SVIL: variants seen among roughly 807,000 people sequenced by gnomAD.
The protein encoded by SVIL is archvillin.
A neutral mutation model predicts 240.4 loss-of-function variants in SVIL; 101 were observed. The ratio of observed to expected loss-of-function variants is 0.42; its 90% CI spans 0.36 to 0.50. The LOEUF (loss-of-function observed/expected upper bound fraction) is 0.50. Ranked by LOEUF, SVIL falls within the 20% of genes least tolerant of loss-of-function variation. SVIL has a pLI of 0.01. For synonymous variants in SVIL, 999 were observed against 1,100.0 expected, an observed-to-expected ratio of 0.91 and a Z score of 1.82; for missense variants, 2,512 against 2,818.7, an observed-to-expected ratio of 0.89 and a Z score of 2.46.
intron 1 of SVIL, among the ~76,000 whole-genome samples, chr10:29,730,533 A>T (rs989656141): frequency 5.9e-5 from 9 of 152,332 alleles, no homozygotes; most frequent in African/African-American, 2.2e-4. Context: ...TGAGCATCTC[A>T]AGTGAAAACG....
rs1264990764 is a variant in SVIL at position 29,462,294 on chromosome 10, C to G, written c.6385G>C (p.Ala2129Pro). 1 of 1,614,110 alleles carries G rather than the reference C, an allele frequency of 6.2e-7. No individual in the cohort carries two copies. Among genetic ancestry groups the G allele is most frequent in the Admixed American group, 1.7e-5 (1 of 60,020 alleles). ...GTGCTCACCATCTCTGTGATCTCAG[C>G]GATGTCCTCTCTGTGCTCCCAGCTG... ...FPSWEHREDI[A>P]EITEMDTEVS... Residue 2129 changes from alanine to proline, a missense_variant, in exon 36 of 38, where the codon GCT (alanine) becomes CCT (proline). Coordinates refer to ENST00000355867, the MANE Select transcript of SVIL (RefSeq NM_021738.3).
Position 29,523,785 on chromosome 10 carries a change from C to G in SVIL, c.2829G>C (p.Met943Ile). Residue 943 changes from methionine (M) to isoleucine (I), a missense_variant, in exon 15 of 38, where the codon ATG becomes ATC. Met to Ile is a conservative substitution (Grantham distance 10). Transcript: ENST00000355867. ...TTTCTGTCTCTCCATATTCTCTCAA[C>G]ATTCCCTTGTTCTCGCTACCCTCTA... ...PLVEGSENKGMLREYGETESK... is the reference protein window; with the variant it reads ...PLVEGSENKGILREYGETESK... 1 of 1,614,238 alleles carries G rather than the reference C, an allele frequency of 6.2e-7. No individual in the cohort carries two copies. Among genetic ancestry groups the G allele is most frequent in the South Asian group, 1.1e-5 (1 of 91,088 alleles).
intron 1 of SVIL, among the ~76,000 whole-genome samples, chr10:29,694,390 A>G (rs534108593): frequency 2.0e-5 from 3 of 152,074 alleles, no homozygotes; most frequent in Non-Finnish European, 2.9e-5. Context: ...GACAGAGTAC[A>G]ACCTGTCTCT....
rs1440495352 is a variant in SVIL at position 29,457,418 on chromosome 10, T to C, written c.*829A>G. The C allele has an allele frequency of 2.4e-5, 2 of 82,192 alleles. No homozygotes were observed. The highest frequency in any genetic ancestry group is 9.0e-5 in the African/African-American group (2 of 22,100). The allele number at this position is 82,192 out of a possible 1,614,324, so 5.1% of individuals were successfully genotyped here. A position where few individuals can be genotyped will look rare whatever the true frequency, so the allele number is the denominator to read the frequency against. On this transcript the variant is annotated 3_prime_UTR_variant, in exon 38 of 38. Coordinates refer to ENST00000355867, the MANE Select transcript of SVIL (RefSeq NM_021738.3). Reference sequence around the variant, plus strand: ...CTATATCACAAAATGACATGTGTACTGTTTACAACCGGTATTAGAAATTGA... The same window carrying C: ...CTATATCACAAAATGACATGTGTACCGTTTACAACCGGTATTAGAAATTGA...
At chr10:29,614,418 CCATCAATGATAGA>C (rs1957359698) in intron 1 of SVIL, among the ~76,000 whole-genome samples, 1 of 152,108 alleles carries the variant, frequency 6.6e-6, no homozygotes, top group Non-Finnish European at 1.5e-5. Flanking sequence ...ACCCAAATGC[CCATCAATGATAGA>C]CTGGATAAAG....
chr10:29,602,159 A>G (rs1200995899), intron 1 of SVIL: 1 of 432,326 alleles, frequency 2.3e-6, no homozygotes, highest in East Asian at 6.7e-5. Context: ...AAACACCTAC[A>G]AAAGAAATGC....
intron 2 of SVIL, among the ~76,000 whole-genome samples, chr10:29,670,259 C>T (rs1467523188): frequency 2.6e-5 from 4 of 152,188 alleles, no homozygotes; most frequent in Admixed American, 2.0e-4. Flanking sequence ...ACCAACTAGG[C>T]CACTGACTAT....
intron 2 of SVIL, among the ~76,000 whole-genome samples, chr10:29,661,680 A>G (rs1959165315): frequency 6.6e-6 from 1 of 152,208 alleles, no homozygotes; most frequent in Admixed American, 6.5e-5. Context: ...TCTGGAAGAG[A>G]GATATGCCAG....
chr10:29,703,805 T>A (rs969212939), intron 1 of SVIL, among the ~76,000 whole-genome samples: 5 of 152,294 alleles, frequency 3.3e-5, no homozygotes, highest in African/African-American at 1.2e-4. Context: ...GGGCTCTTGT[T>A]TTTTTGGGGG....
Position 29,707,305 on chromosome 10 carries a change from C to CCA in SVIL, c.-399-20655_-399-20654insTG, listed in dbSNP as rs1332180187. On this transcript the variant is annotated intron_variant, in intron 1 of 35. Transcript: ENST00000375400. ...GTTTTTCCATTTGTTTGTGTACTCT[C>CCA]TTATTTCCTTGAGCAGTGGTTTGTA... 2.6e-5 allele frequency among the ~76,000 whole-genome samples: 4 copies of CCA among 152,022 alleles called. No homozygotes were observed. The East Asian group carries it at 7.7e-4, about 29-fold the overall frequency.
intron 17 of SVIL, among the ~76,000 whole-genome samples, chr10:29,506,348 C>T (rs1454189197): frequency 6.7e-6 from 1 of 149,604 alleles, no homozygotes; most frequent in Admixed American, 6.6e-5. Flanking sequence ...TGGGCTCTTA[C>T]AACCAGCATT....
Position 29,499,927 on chromosome 10 carries a change from T to G in SVIL, c.3517-664A>C, listed in dbSNP as rs967353694. Among the ~76,000 whole-genome samples the G allele has an allele frequency of 4.8e-3, 724 of 152,168 alleles. 6 individuals are homozygous for G. The highest frequency in any genetic ancestry group is 0.017 in the African/African-American group (692 of 41,488). On this transcript the variant is annotated intron_variant, in intron 17 of 37. Transcript: ENST00000355867. ...CCTACATGCACGGTAACATTTCTAC[T>G]GAAAATGCTCTCAGCAGTTTCTAAT...
rs1171465397 is a variant in SVIL at position 29,471,241 on chromosome 10, G to A, written c.5532C>T (p.Val1844=). 3 of 1,609,318 alleles carry A rather than the reference G, an allele frequency of 1.9e-6. No homozygotes were observed. The South Asian group carries it at 3.3e-5, about 18-fold the overall frequency. The change falls in exon 31 of 38, where the codon GTC becomes GTT. Residue 1844 remains valine, a splice_region_variant and synonymous_variant. Coordinates refer to ENST00000355867, the MANE Select transcript of SVIL (RefSeq NM_021738.3). ...GGGGCTCCTTTCCCTGGAGAACCTGGACCTTCCGATTTAAACAGAGGTAAA... is the reference window on the plus strand; with the variant it reads ...GGGGCTCCTTTCCCTGGAGAACCTGAACCTTCCGATTTAAACAGAGGTAAA... ...VELDEERGAQ[V]QVLQGKEPPC...
At chr10:29,707,993 C>T (rs1025486316) in intron 1 of SVIL, among the ~76,000 whole-genome samples, 1 of 152,120 alleles carries the variant, frequency 6.6e-6, no homozygotes, top group Non-Finnish European at 1.5e-5. Context: ...CGCGGTGGCT[C>T]ACGCCTGTAA....
intron 1 of SVIL, among the ~76,000 whole-genome samples, chr10:29,712,348 T>G (rs1380421507): frequency 6.6e-6 from 1 of 152,210 alleles, no homozygotes; most frequent in African/African-American, 2.4e-5. Context: ...TGAGTGAATT[T>G]TTGCTCTATT....
At chr10:29,691,700 TA>T (rs1464281636) in intron 1 of SVIL, among the ~76,000 whole-genome samples, 4 of 152,198 alleles carry the variant, frequency 2.6e-5, no homozygotes, top group African/African-American at 2.4e-5. Context: ...GGCTCAGGAT[TA>T]AGACATGACT....
chr10:29,619,851 T>A (rs926105611), intron 1 of SVIL, among the ~76,000 whole-genome samples: 8 of 152,236 alleles, frequency 5.3e-5, no homozygotes, highest in African/African-American at 1.7e-4. Flanking sequence ...ACTACATTTT[T>A]AAAAAGATTA....
At chr10:29,494,798 C>T in intron 20 of SVIL, 116 bp downstream of exon 20, 1 of 956,960 alleles carries the variant, frequency 1.0e-6, no homozygotes, top group Non-Finnish European at 1.6e-6. Context: ...TGAATCAGGG[C>T]TTGTTTCTCT....
In SVIL at chr10:29,678,601, C is replaced by T. The variant is rs575023632; in HGVS notation, c.-301+7952G>A. ...CCCTGCTCTAGAATCTTGCTAGAAA[C>T]CCTGCATCTGTGAATGGCAGGTGTA... On this transcript the variant is annotated intron_variant, in intron 2 of 35. Transcript: ENST00000375400. Among the ~76,000 whole-genome samples the T allele has an allele frequency of 4.6e-5, 7 of 152,314 alleles. No individual in the cohort carries two copies. The South Asian group carries it at 6.2e-4, about 14-fold the overall frequency.
Sources: gnomAD v4.1 joint callset for allele counts (sites outside exome capture counted in the v4.1 genomes callset) on GRCh38, gnomAD v4.1.1 for gene constraint, MANE v1.5 for transcripts, NCBI Gene and HGNC (gene_info 2026-07-23, HGNC 2026-07-21) for gene names.